FBXO47: variants seen among roughly 807,000 people sequenced by gnomAD.
FBXO47 encodes the protein F-box protein 47.
FBXO47 carries 34 observed loss-of-function variants against 53.9 expected under a neutral mutation model. The ratio of observed to expected loss-of-function variants is 0.63; its 90% confidence interval spans 0.48 to 0.84. FBXO47 has a LOEUF of 0.84. Among genes scored for constraint, FBXO47 ranks in the 40% least tolerant of loss-of-function variants. FBXO47 has a pLI of 0.00. For missense variants in FBXO47, 485 were observed against 541.3 expected, an observed-to-expected ratio of 0.90 and a Z score of 1.03; for synonymous variants, 165 against 181.6, an observed-to-expected ratio of 0.91 and a Z score of 0.73.
intron 1 of FBXO47, among the ~76,000 whole-genome samples, chr17:38,966,128 C>T (rs1325404214): frequency 2.6e-5 from 4 of 152,080 alleles, no homozygotes; most frequent in Admixed American, 6.6e-5. Flanking sequence ...GGCTATGTGT[C>T]ATTCCACCAA....
intron 9 of FBXO47, among the ~76,000 whole-genome samples, chr17:38,941,170 A>G (rs368960567): frequency 6.6e-6 from 1 of 150,578 alleles, no homozygotes; most frequent in African/African-American, 2.5e-5. Context: ...ATTTTTTATT[A>G]TTTATTTATT....
chr17:38,946,225 T>A (rs1356450625), intron 6 of FBXO47, among the ~76,000 whole-genome samples: 53 of 109,712 alleles, frequency 4.8e-4, no homozygotes, highest in Middle Eastern at 6.6e-3. Context: ...AAAATATATA[T>A]AAATATATAC....
chr17:38,958,069 T>A (rs1274186037), intron 3 of FBXO47, among the ~76,000 whole-genome samples: 2 of 152,096 alleles, frequency 1.3e-5, no homozygotes, highest in East Asian at 3.9e-4. Context: ...GACCTCATGA[T>A]CCGCCTGCCT....
At chr17:38,945,672 C>T (rs1904722004) in intron 6 of FBXO47, among the ~76,000 whole-genome samples, 2 of 151,840 alleles carry the variant, frequency 1.3e-5, no homozygotes, top group African/African-American at 4.8e-5. Flanking sequence ...TGCCGTGGCT[C>T]ACACCTGTAA....
At position 38,945,064 on chromosome 17, in the gene FBXO47, C is replaced by T. The variant is rs770866378; in HGVS notation, c.689G>A (p.Arg230Gln). The change falls in exon 7 of 11, where the codon CGA becomes CAA. Residue 230 changes from arginine to glutamine, a missense_variant. Coordinates refer to ENST00000378079, the MANE Select transcript of FBXO47 (RefSeq NM_001008777.3). ...RNVLLDHWTHRSDSAFWLTRI... is the reference protein window; with the variant it reads ...RNVLLDHWTHQSDSAFWLTRI... ...CGTCAACCAAAAAGCAGAATCACTT[C>T]GATGTGTCCAATGATCAAGGAGGAC... 5.0e-6 allele frequency: 8 copies of T among 1,613,846 alleles called. No homozygotes were observed. Among genetic ancestry groups the T allele is most frequent in the Admixed American group, 1.7e-5 (1 of 59,974 alleles).
At position 38,946,151 on chromosome 17, in the gene FBXO47, CATAAAAATATATAAATAT is replaced by C. The variant is rs1487031871; in HGVS notation, c.617-1033_617-1016del. Among the ~76,000 whole-genome samples, 7 of 78,272 alleles carry C rather than the reference CATAAAAATATATAAATAT, an allele frequency of 8.9e-5. 1 individual carries two copies. In the South Asian group the frequency reaches 1.1e-3, roughly 12 times the overall value. 51.3% of individuals were successfully genotyped at this position (78,272 alleles called of 152,430 possible). A position where few individuals can be genotyped will look rare whatever the true frequency, so the allele number is the denominator to read the frequency against. On this transcript the variant is annotated intron_variant, in intron 6 of 10. Coordinates refer to ENST00000378079, the MANE Select transcript of FBXO47 (RefSeq NM_001008777.3). ...ATATACATATATAAATATATAAATA[CATAAAAATATATAAATAT>C]ATAAAAATATATATAAATATATAAA... is the stretch of plus-strand genomic sequence containing the variant.
rs759007573 is a variant in FBXO47, at chr17:38,962,967, C to A, written c.59G>T (p.Ser20Ile). The change falls in exon 2 of 11, where the codon AGT becomes ATT. Residue 20 changes from serine (S) to isoleucine (I), a missense_variant. Ser to Ile is a moderately radical substitution (Grantham distance 142, BLOSUM62 -2). Transcript: ENST00000378079. ...TLIPNQKLRRSNRQTSCYSKT... is the reference protein window; with the variant it reads ...TLIPNQKLRRINRQTSCYSKT... Reference sequence around the variant, plus strand: ...GGAATAACAGCTGGTTTGACGATTACTACGTCTAAGTTTCTGGTTGGGAAT... The same window carrying A: ...GGAATAACAGCTGGTTTGACGATTAATACGTCTAAGTTTCTGGTTGGGAAT... 2.4e-5 allele frequency: 38 copies of A among 1,612,774 alleles called. 1 individual carries two copies. The East Asian group carries it at 8.2e-4, about 35-fold the overall frequency.
At position 38,942,849 on chromosome 17, in the gene FBXO47, T is replaced by G; in HGVS notation, c.1012A>C (p.Ser338Arg). The G allele has an allele frequency of 6.2e-7, 1 of 1,613,846 alleles. No homozygotes were observed. The highest frequency in any genetic ancestry group is 2.2e-5 in the East Asian group (1 of 44,872). Residue 338 changes from serine to arginine, a missense_variant, in exon 9 of 11, where the codon AGT becomes CGT. Transcript: ENST00000378079. ...LMLSGNNICF[S>R]FMASKAVNGR... ...TTCACAGCTTTACTAGCCATGAAAC[T>G]GAAACAGATGTTGTTTCCACTTAGC...
intron 9 of FBXO47, 74 bp from the exon 10 acceptor site, chr17:38,938,806 A>G: frequency 8.5e-7 from 1 of 1,179,666 alleles, no homozygotes; most frequent in South Asian, 1.7e-5. Flanking sequence ...GTGAACAATG[A>G]TGAATAATTA....
At chr17:38,962,139 A>G (rs546959293) in intron 2 of FBXO47, 92 bp from the exon 3 acceptor site, 1 of 966,960 alleles carries the variant, frequency 1.0e-6, no homozygotes, top group African/African-American at 1.6e-5. Flanking sequence ...GGTTAACTCA[A>G]TCGTCATCAT....
rs115017129 is a variant in FBXO47, at chr17:38,938,459, T to C, written c.1243+114A>G. The C allele has an allele frequency of 3.4e-3, 2,633 of 778,300 alleles. 72 individuals are homozygous for C. In the African/African-American group the frequency reaches 0.042, roughly 12 times the overall value. 48.2% of individuals were successfully genotyped at this position (778,300 alleles called of 1,614,324 possible). A position where few individuals can be genotyped will look rare whatever the true frequency, so the allele number is the denominator to read the frequency against. On this transcript the variant is annotated intron_variant, in intron 10 of 10. Coordinates refer to ENST00000378079, the MANE Select transcript of FBXO47 (RefSeq NM_001008777.3). ...TTATTTTTTAAAGTCAACATAGAAATAGCTTTTTTTTTTTTTTCCATTCTT... is the reference window on the plus strand; with the variant it reads ...TTATTTTTTAAAGTCAACATAGAAACAGCTTTTTTTTTTTTTTCCATTCTT...
chr17:38,954,717 A>G, intron 5 of FBXO47, 139 bp downstream of exon 5: 1 of 531,038 alleles, frequency 1.9e-6, no homozygotes, highest in South Asian at 3.6e-5. Flanking sequence ...TTAGATTAAT[A>G]CATTCTCAAA....
rs766011981 is a variant in FBXO47, at chr17:38,962,857, T to C, written c.169A>G (p.Lys57Glu). 4.0e-5 allele frequency: 64 copies of C among 1,610,268 alleles called. 2 individuals carry two copies. In the South Asian group the frequency reaches 6.6e-4, roughly 17 times the overall value. ...TCCCAAACCTCACCTGACAAATATTTTAAAATTATCTGGAATATTTCCAAT... is the reference window on the plus strand; with the variant it reads ...TCCCAAACCTCACCTGACAAATATTCTAAAATTATCTGGAATATTTCCAAT... ...LPLEIFQIIL[K>E]YLSVKDISML... Residue 57 changes from lysine (K) to glutamate (E), a missense_variant, in exon 2 of 11, where the codon AAA becomes GAA. By Grantham distance (56) the Lys-to-Glu change is moderately conservative. Transcript: ENST00000378079.
At chr17:38,946,034 TATAAATATATATAAAATATATAAATAC>T (rs1567716161) in intron 6 of FBXO47, among the ~76,000 whole-genome samples, 1 of 114,616 alleles carries the variant, frequency 8.7e-6, no homozygotes, top group African/African-American at 3.8e-5. Context: ...TAAAAATATA[TATAAATATATATAAAATATATAAATAC>T]ATAAATATAT....
chr17:38,963,972 A>G (rs982683992), intron 1 of FBXO47, among the ~76,000 whole-genome samples: 2 of 151,774 alleles, frequency 1.3e-5, no homozygotes, highest in African/African-American at 4.8e-5. Flanking sequence ...TAAAGTAAAA[A>G]AAAAAAAATT....
chr17:38,943,599 C>T lies in FBXO47; in HGVS notation c.931G>A (p.Glu311Lys). ...TAAATATATTTTTTACCTGATAGTT[C>T]ATCTACAAGACTGATAACATCATCT... ...TADDVISLVD[E>K]LSVVPREWLL... Residue 311 changes from glutamate to lysine, a missense_variant, in exon 8 of 11, where the codon GAA becomes AAA. Glu to Lys is a moderately conservative substitution (Grantham distance 56). Coordinates refer to ENST00000378079, the MANE Select transcript of FBXO47 (RefSeq NM_001008777.3). The T allele has an allele frequency of 6.4e-7, 1 of 1,557,738 alleles. No individual in the cohort carries two copies. Among genetic ancestry groups the T allele is most frequent in the Non-Finnish European group, 8.6e-7 (1 of 1,157,740 alleles).
At chr17:38,946,490 A>G (rs1240802258) in intron 6 of FBXO47, among the ~76,000 whole-genome samples, 1 of 93,316 alleles carries the variant, frequency 1.1e-5, no homozygotes, top group Non-Finnish European at 1.8e-5. Context: ...ATATAAATAT[A>G]TATGAATATA....
rs150695190 is a variant in FBXO47, at chr17:38,964,413, T to C, written c.-26-1362A>G. 3.2e-3 allele frequency among the ~76,000 whole-genome samples: 485 copies of C among 152,152 alleles called. 4 individuals carry two copies. Among genetic ancestry groups the C allele is most frequent in the African/African-American group, 0.011 (453 of 41,490 alleles). On this transcript the variant is annotated intron_variant, in intron 1 of 10. Transcript: ENST00000378079. ...GAGTTCGAGACCAGCCTGGCCAACA[T>C]AGCGAAACCCCGTCTCTACAAAAAA...
intron 6 of FBXO47, among the ~76,000 whole-genome samples, chr17:38,948,171 C>G (rs1905032241): frequency 6.6e-6 from 1 of 150,492 alleles, no homozygotes; most frequent in Admixed American, 6.6e-5. Flanking sequence ...GCAACCAATA[C>G]TCTACTTTCC....
Sources: allele counts gnomAD v4.1 joint callset (sites outside exome capture counted in the v4.1 genomes callset), GRCh38; gene constraint gnomAD v4.1.1; transcripts MANE v1.5; gene names NCBI Gene and HGNC (gene_info 2026-07-23, HGNC 2026-07-21).